The following CAP2 variants were observed in gnomAD, a reference collection of about 807,000 sequenced individuals.
CAP2 encodes the protein adenylyl cyclase-associated protein 2.
CAP2 carries 24 observed loss-of-function variants against 57.7 expected under a neutral mutation model. The observed-to-expected ratio is 0.42, with a 90% CI of 0.30 to 0.58. The LOEUF (loss-of-function observed/expected upper bound fraction) is 0.58, where lower values mean the gene tolerates loss of function less well. Among genes scored for constraint, CAP2 ranks in the 20% least tolerant of loss-of-function variants. CAP2 has a pLI of 0.22. For missense variants in CAP2, 501 were observed against 590.3 expected, an observed-to-expected ratio of 0.85 and a Z score of 1.57; for synonymous variants, 194 against 207.2, an observed-to-expected ratio of 0.94 and a Z score of 0.55.
At chr6:17,421,710 C>T in intron 2 of CAP2, 34 bp downstream of exon 2, 6 of 1,612,404 alleles carry the variant, frequency 3.7e-6, no homozygotes, top group Non-Finnish European at 5.1e-6. Flanking sequence ...TCCTGGTCTT[C>T]TTGTGGGTTA....
At chr6:17,484,435 C>T (rs1227332527) in intron 4 of CAP2, among the ~76,000 whole-genome samples, 2 of 152,132 alleles carry the variant, frequency 1.3e-5, no homozygotes, top group African/African-American at 4.8e-5. Context: ...CATCTGGCGG[C>T]ATCATGAGGG....
chr6:17,527,643 C>T (rs1220536488), intron 7 of CAP2, among the ~76,000 whole-genome samples: 1 of 143,738 alleles, frequency 7.0e-6, no homozygotes, highest in Non-Finnish European at 1.5e-5. Context: ...GTCGCCCAGG[C>T]TGGAGTGCAG....
At chr6:17,523,609 G>C (rs774944053) in intron 7 of CAP2, among the ~76,000 whole-genome samples, 3 of 152,202 alleles carry the variant, frequency 2.0e-5, no homozygotes, top group Admixed American at 1.3e-4. Context: ...GGAGACAAGA[G>C]ATAGGAGAAC....
At chr6:17,438,445 T>G (rs1480679256) in intron 3 of CAP2, among the ~76,000 whole-genome samples, 4 of 128,712 alleles carry the variant, frequency 3.1e-5, no homozygotes, top group Non-Finnish European at 4.8e-5. Context: ...TTTTTTTTTT[T>G]TTTTTTTTTT....
chr6:17,429,501 A>G (rs1274825623), intron 3 of CAP2, among the ~76,000 whole-genome samples: 1 of 152,220 alleles, frequency 6.6e-6, no homozygotes, highest in Non-Finnish European at 1.5e-5. Flanking sequence ...CAAATTGCAC[A>G]GTAAACAGTC....
rs558268240 is a variant in CAP2 at position 17,439,486 on chromosome 6, G to A, written c.222+12796G>A. On this transcript the variant is annotated intron_variant, in intron 3 of 12. Transcript: ENST00000229922. ...GTCAACCTTTTTGGCACCAGGGACC[G>A]ATTTCCTGGAAAACAGTTTTTCTGT... is the stretch of plus-strand genomic sequence containing the variant. 7.3e-5 allele frequency among the ~76,000 whole-genome samples: 11 copies of A among 151,536 alleles called. 2 individuals carry two copies. In the East Asian group the frequency reaches 1.4e-3, roughly 19 times the overall value.
At chr6:17,399,519 A>G (rs776676613) in intron 1 of CAP2, among the ~76,000 whole-genome samples, 5 of 152,200 alleles carry the variant, frequency 3.3e-5, no homozygotes, top group African/African-American at 4.8e-5. Context: ...AGAAAGGGAC[A>G]TAGGACATTG....
chr6:17,496,036 G>C lies in CAP2; in HGVS notation c.301-11133G>C, dbSNP rs960796581. On this transcript the variant is annotated intron_variant, in intron 4 of 12. Transcript: ENST00000229922. ...TGCATGCGTGTGTGGGTGGGGGGGG[G>C]GGGTAAGTCAGGGAAAACAGGCTGC... Among the ~76,000 whole-genome samples, 8 of 133,732 alleles carry C rather than the reference G, an allele frequency of 6.0e-5. 2 individuals carry two copies. Among genetic ancestry groups the C allele is most frequent in the African/African-American group, 1.1e-4 (4 of 36,278 alleles). The allele number at this position is 133,732 out of a possible 152,430, so 87.7% of individuals were successfully genotyped here. A position where few individuals can be genotyped will look rare whatever the true frequency, so the allele number is the denominator to read the frequency against.
In CAP2 at chr6:17,539,278, G is replaced by C; in HGVS notation, c.646G>C (p.Ala216Pro). 6.2e-7 allele frequency: 1 copy of C among 1,613,152 alleles called. No individual in the cohort carries two copies. Among genetic ancestry groups the C allele is most frequent in the Non-Finnish European group, 8.5e-7 (1 of 1,179,456 alleles). The change falls in exon 8 of 13, where the codon GCA becomes CCA. Residue 216 changes from alanine (A) to proline (P), a missense_variant. Ala to Pro is a conservative substitution (Grantham distance 27, BLOSUM62 -1). Coordinates refer to ENST00000229922, the MANE Select transcript of CAP2 (RefSeq NM_006366.3). ...GLTWSKTGPV[A>P]STVSAFSVLS... ...TCTTCTGTCTTCTCAGGGTCCTGTA[G>C]CATCCACAGTATCAGCGTTTTCTGT...
At chr6:17,449,128 T>C (rs1760339178) in intron 3 of CAP2, among the ~76,000 whole-genome samples, 1 of 152,152 alleles carries the variant, frequency 6.6e-6, no homozygotes. Flanking sequence ...ATTCAAACAA[T>C]CAAAATTATA....
intron 4 of CAP2, among the ~76,000 whole-genome samples, chr6:17,504,409 A>G: frequency 6.6e-6 from 1 of 152,240 alleles, no homozygotes; most frequent in Non-Finnish European, 1.5e-5. Context: ...GTCTCATTCT[A>G]GAACCTTTGC....
At chr6:17,459,396 A>G (rs545860095) in intron 3 of CAP2, among the ~76,000 whole-genome samples, 1 of 152,336 alleles carries the variant, frequency 6.6e-6, no homozygotes, top group Non-Finnish European at 1.5e-5. Context: ...CTGATCTCCA[A>G]TATGATGGCA....
chr6:17,520,736 G>A (rs1042426188), intron 7 of CAP2, among the ~76,000 whole-genome samples: 1 of 152,162 alleles, frequency 6.6e-6, no homozygotes, highest in African/African-American at 2.4e-5. Context: ...AGACTCTGTG[G>A]CATGTCATTA....
chr6:17,500,833 T>C (rs894195663), intron 4 of CAP2, among the ~76,000 whole-genome samples: 9 of 152,206 alleles, frequency 5.9e-5, no homozygotes, highest in Non-Finnish European at 1.3e-4. Flanking sequence ...TTCCATACAT[T>C]TTCTGTGCTG....
At chr6:17,489,083 T>C (rs761604022) in intron 4 of CAP2, among the ~76,000 whole-genome samples, 10 of 152,136 alleles carry the variant, frequency 6.6e-5, no homozygotes, top group Non-Finnish European at 1.3e-4. Context: ...ACAAACTAAC[T>C]TTCCTTCCAA....
At chr6:17,540,690 G>A (rs1762878540) in intron 8 of CAP2, among the ~76,000 whole-genome samples, 1 of 152,098 alleles carries the variant, frequency 6.6e-6, no homozygotes, top group Non-Finnish European at 1.5e-5. Flanking sequence ...GGAGGCAGAG[G>A]TTGCAGTGAG....
intron 12 of CAP2, among the ~76,000 whole-genome samples, chr6:17,554,416 C>A (rs1348866457): frequency 6.6e-6 from 1 of 152,220 alleles, no homozygotes; most frequent in Non-Finnish European, 1.5e-5. Flanking sequence ...TTCAGCAGCA[C>A]TACACTGTGT....
chr6:17,507,786 T>A lies in CAP2; in HGVS notation c.530+60T>A, dbSNP rs530636738. The A allele has an allele frequency of 4.1e-4, 380 of 919,672 alleles. 1 individual carries two copies. The South Asian group carries it at 4.7e-3, about 11-fold the overall frequency. 57.0% of individuals were successfully genotyped at this position (919,672 alleles called of 1,614,324 possible). On this transcript the variant is annotated intron_variant, in intron 6 of 12. Coordinates refer to ENST00000229922, the MANE Select transcript of CAP2 (RefSeq NM_006366.3). ...TGATTACTTGTTAGACATTTGTCCCTAAAACTCAGTCCAGTTAACTACTGA... is the reference window on the plus strand; with the variant it reads ...TGATTACTTGTTAGACATTTGTCCCAAAAACTCAGTCCAGTTAACTACTGA...
At chr6:17,399,651 C>T (rs977905641) in intron 1 of CAP2, among the ~76,000 whole-genome samples, 6 of 152,166 alleles carry the variant, frequency 3.9e-5, no homozygotes, top group African/African-American at 1.2e-4. Context: ...GCAGAAGGTG[C>T]ACTAGCCCCT....
Sources: allele counts gnomAD v4.1 joint callset (sites outside exome capture counted in the v4.1 genomes callset), GRCh38; gene constraint gnomAD v4.1.1; transcripts MANE v1.5; gene names NCBI Gene and HGNC (gene_info 2026-07-23, HGNC 2026-07-21).